MRPL38: variants seen among roughly 807,000 people sequenced by gnomAD.
The protein encoded by MRPL38 is mitochondrial ribosomal protein L38, also known as large ribosomal subunit protein mL38.
Under a neutral mutation model 52.1 loss-of-function variants are expected in MRPL38, and 51 were observed. The observed-to-expected ratio is 0.98, with a 90% CI of 0.78 to 1.24. The LOEUF (loss-of-function observed/expected upper bound fraction) is 1.24. MRPL38 is among the 50% of genes most tolerant of loss of function. MRPL38 has a pLI of 0.00. For missense variants in MRPL38, 527 were observed against 518.6 expected, an observed-to-expected ratio of 1.02 and a Z score of -0.16; for synonymous variants, 245 against 212.7, an observed-to-expected ratio of 1.15 and a Z score of -1.32.
chr17:75,899,615 G>T lies in MRPL38; in HGVS notation c.770C>A (p.Pro257His), dbSNP rs372305971. The change falls in exon 7 of 9, where the codon CCC becomes CAC. Residue 257 changes from proline to histidine, a missense_variant. Physicochemically the swap from Pro to His is moderately conservative, Grantham distance 77. Coordinates refer to ENST00000309352, the MANE Select transcript of MRPL38 (RefSeq NM_032478.4). Reference sequence around the variant, plus strand: ...GATGCCGGAGCCTCGGGCAGGGAAGGGGGGGAGGTAGGGACACGTCACCTG... The same window carrying T: ...GATGCCGGAGCCTCGGGCAGGGAAGTGGGGGAGGTAGGGACACGTCACCTG... ...EGQVTCPYLP[P>H]FPARGSGIHR... 81 of 1,608,374 alleles carry T rather than the reference G, an allele frequency of 5.0e-5. No homozygotes were observed. Among genetic ancestry groups the T allele is most frequent in the East Asian group, 8.9e-5 (4 of 44,730 alleles).
rs781347291 is a variant in MRPL38, at chr17:75,902,093, T to G, written c.309A>C (p.Leu103=). The change falls in exon 3 of 9, where the codon CTA becomes CTC. Residue 103 remains leucine (L), a synonymous_variant. Coordinates refer to ENST00000309352, the MANE Select transcript of MRPL38 (RefSeq NM_032478.4). ...CCTGGATGGCCTGTTTCCGTTCCAG[T>G]AGCTGTTGGGTCCGGGAGACTTTGG... ...PPPKVSRTQQ[L]LERKQAIQEL... The G allele has an allele frequency of 6.2e-7, 1 of 1,606,456 alleles. No individual in the cohort carries two copies. Among genetic ancestry groups the G allele is most frequent in the African/African-American group, 1.3e-5 (1 of 74,776 alleles).
Position 75,901,743 on chromosome 17 carries a change from A to G in MRPL38, c.560T>C (p.Val187Ala), listed in dbSNP as rs142957505. ...YAVGEDDLMP[V>A]YCGNEVTPTE... ...TGGAGTCACCTCATTGCCACAGTAC[A>G]CAGGCATCAGGTCATCCTCACCCAC... Residue 187 changes from valine (V) to alanine (A), a missense_variant, in exon 4 of 9, where the codon GTG (valine) becomes GCG (alanine). By Grantham distance (64) the Val-to-Ala change is moderately conservative (BLOSUM62 0). Transcript: ENST00000309352. The surrounding 1 kb of genome is among the most constrained non-coding windows in gnomAD (Gnocchi z 5.7). The G allele has an allele frequency of 1.2e-5, 20 of 1,613,730 alleles. No homozygotes were observed. The highest frequency in any genetic ancestry group is 1.7e-4 in the Middle Eastern group (1 of 6,060).
intron 1 of MRPL38, 41 bp downstream of exon 1, chr17:75,904,768 C>CCGGGGGGG (rs2065421291): frequency 3.3e-5 from 35 of 1,056,220 alleles, no homozygotes; most frequent in Non-Finnish European, 4.2e-5. Flanking sequence ...GCTCGGGCGA[C>CCGGGGGGG]AGCCCCCCCC....
At chr17:75,902,397 G>C in intron 2 of MRPL38, 1 of 512,090 alleles carries the variant, frequency 2.0e-6, no homozygotes, top group Non-Finnish European at 3.5e-6. Context: ...GAGCCACTGC[G>C]CCCAGCCATG....
Position 75,899,528 on chromosome 17 carries a change from C to A in MRPL38, c.857G>T (p.Arg286Leu), listed in dbSNP as rs759172796. 4 of 1,586,992 alleles carry A rather than the reference C, an allele frequency of 2.5e-6. No individual in the cohort carries two copies. The highest frequency in any genetic ancestry group is 1.7e-5 in the Admixed American group (1 of 58,022). The change falls in exon 7 of 9, where the codon CGC becomes CTC. Residue 286 changes from arginine (R) to leucine (L), a missense_variant. By Grantham distance (102) the Arg-to-Leu change is moderately radical (BLOSUM62 -2). Coordinates refer to ENST00000309352, the MANE Select transcript of MRPL38 (RefSeq NM_032478.4). ...TGGTGTAGATTACCAGGGTGAGGGG[C>A]GTGCGTCCTCAGAGAAGTCAATCGG... Reference protein sequence around the residue: ...DQPIDFSEDARPSPCYQLAQR... With the variant: ...DQPIDFSEDALPSPCYQLAQR...
intron 2 of MRPL38, among the ~76,000 whole-genome samples, chr17:75,904,023 C>T (rs1487708369): frequency 6.6e-6 from 1 of 152,198 alleles, no homozygotes. Context: ...CCACCGCGCC[C>T]GGCCAGGTTG....
rs527513413 is a variant in MRPL38, at chr17:75,898,914, C to T, written c.1079G>A (p.Arg360Gln). ...YHPKQKRFPH[R>Q]QPLRYLDRYR... ...CCGGTCCAGGTAGCGCAGGGGCTGC[C>T]GGTGGGGGAAGCGCTTCTGCTTGGG... Residue 360 changes from arginine (R) to glutamine (Q), a missense_variant, in exon 9 of 9, where the codon CGG becomes CAG. Arg to Gln is a conservative substitution (Grantham distance 43). Coordinates refer to ENST00000309352, the MANE Select transcript of MRPL38 (RefSeq NM_032478.4). The T allele has an allele frequency of 4.3e-5, 70 of 1,611,002 alleles. No homozygotes were observed. The African/African-American group carries it at 4.4e-4, about 10-fold the overall frequency.
In MRPL38 at chr17:75,901,353, C is replaced by A; in HGVS notation, c.592-80G>T. On this transcript the variant is annotated intron_variant, in intron 4 of 8. Transcript: ENST00000309352. The surrounding 1 kb of genome is among the most constrained non-coding windows in gnomAD (Gnocchi z 5.7). Reference sequence around the variant, plus strand: ...AGGGAGCCTTGGAGAAAGGGGTGCCCACTCTGACCCAAAAGCCCTTGACAA... The same window carrying A: ...AGGGAGCCTTGGAGAAAGGGGTGCCAACTCTGACCCAAAAGCCCTTGACAA... 1 of 1,388,598 alleles carries A rather than the reference C, an allele frequency of 7.2e-7. No individual in the cohort carries two copies. Among genetic ancestry groups the A allele is most frequent in the East Asian group, 2.4e-5 (1 of 41,504 alleles). 86.0% of individuals were successfully genotyped at this position (1,388,598 alleles called of 1,614,324 possible).
At chr17:75,899,837 G>A (rs1175935789) in intron 6 of MRPL38, 163 bp from the exon 7 acceptor site, 1 of 496,998 alleles carries the variant, frequency 2.0e-6, no homozygotes, top group Non-Finnish European at 3.2e-6. Context: ...TGAACGCCGG[G>A]ACATGCTGCA....
intron 6 of MRPL38, chr17:75,899,946 A>G (rs1166948009): frequency 3.6e-6 from 1 of 275,690 alleles, no homozygotes; most frequent in African/African-American, 2.2e-5. Context: ...AGGCCCCGGG[A>G]GCCGGTGGGT....
chr17:75,901,502 C>T lies in MRPL38; in HGVS notation c.591+210G>A. 1.5e-6 allele frequency: 1 copy of T among 663,118 alleles called. No individual in the cohort carries two copies. Among genetic ancestry groups the T allele is most frequent in the Non-Finnish European group, 2.6e-6 (1 of 383,790 alleles). 41.1% of individuals were successfully genotyped at this position (663,118 alleles called of 1,614,324 possible). A position where few individuals can be genotyped will look rare whatever the true frequency, so the allele number is the denominator to read the frequency against. On this transcript the variant is annotated intron_variant, in intron 4 of 8. Coordinates refer to ENST00000309352, the MANE Select transcript of MRPL38 (RefSeq NM_032478.4). The surrounding 1 kb of genome is among the most constrained non-coding windows in gnomAD (Gnocchi z 5.7). The stretch of plus-strand genomic sequence containing the variant: ...CCGGGCCAGGAGGGCACACCACAGA[C>T]AGCAGGCTGGTCACAGGAATGTGCT...
chr17:75,901,817 G>C lies in MRPL38; in HGVS notation c.486C>G (p.Phe162Leu), dbSNP rs751054862. The change falls in exon 4 of 9, where the codon TTC becomes TTG. Residue 162 changes from phenylalanine (F) to leucine (L), a missense_variant. By Grantham distance (22) the Phe-to-Leu change is conservative (BLOSUM62 0). Coordinates refer to ENST00000309352, the MANE Select transcript of MRPL38 (RefSeq NM_032478.4). The surrounding 1 kb of genome is among the most constrained non-coding windows in gnomAD (Gnocchi z 5.7). ...CTCGGGGCACAAAGGTGGCACCGTG[G>C]AACAGGTCTCGGTAGAGGCCGTAAT... ...AEYYGLYRDL[F>L]HGATFVPRVP... 1 of 1,613,466 alleles carries C rather than the reference G, an allele frequency of 6.2e-7. No homozygotes were observed. The highest frequency in any genetic ancestry group is 8.5e-7 in the Non-Finnish European group (1 of 1,179,876).
chr17:75,904,371 TG>T, intron 2 of MRPL38, 168 bp downstream of exon 2: 1 of 769,736 alleles, frequency 1.3e-6, no homozygotes, highest in Non-Finnish European at 2.3e-6. Context: ...TGAAAAATCC[TG>T]GGGTGATTAA....
rs751913463 is a variant in MRPL38 at position 75,899,526 on chromosome 17, G to A, written c.859C>T (p.Pro287Ser). The A allele has an allele frequency of 5.2e-5, 83 of 1,589,230 alleles. No individual in the cohort carries two copies. Among genetic ancestry groups the A allele is most frequent in the Non-Finnish European group, 6.8e-5 (79 of 1,163,948 alleles). The change falls in exon 7 of 9, where the codon CCC becomes TCC. Residue 287 changes from proline to serine, a missense_variant. Coordinates refer to ENST00000309352, the MANE Select transcript of MRPL38 (RefSeq NM_032478.4). ...GGTGGTGTAGATTACCAGGGTGAGG[G>A]GCGTGCGTCCTCAGAGAAGTCAATC... Reference protein sequence around the residue: ...QPIDFSEDARPSPCYQLAQRT... With the variant: ...QPIDFSEDARSSPCYQLAQRT...
chr17:75,902,668 T>A (rs1386252618), intron 2 of MRPL38, among the ~76,000 whole-genome samples: 2 of 152,204 alleles, frequency 1.3e-5, no homozygotes, highest in African/African-American at 4.8e-5. Flanking sequence ...TACTGTGCAG[T>A]CTACTTCCCA....
chr17:75,902,781 G>A (rs2065410826), intron 2 of MRPL38, among the ~76,000 whole-genome samples: 2 of 152,166 alleles, frequency 1.3e-5, no homozygotes, highest in South Asian at 4.1e-4. Context: ...GAGTGCAGTG[G>A]CGCGATCTCG....
chr17:75,901,091 G>C lies in MRPL38; in HGVS notation c.665-64C>G. ...CCACGGCCCTGCCACCCCCTCCCTT[G>C]TTAGGAGCCAGCGCTGGAGATCTCC... On this transcript the variant is annotated intron_variant, in intron 5 of 8. Transcript: ENST00000309352. The surrounding 1 kb of genome is among the most constrained non-coding windows in gnomAD (Gnocchi z 5.7). 6.3e-7 allele frequency: 1 copy of C among 1,595,524 alleles called. No individual in the cohort carries two copies.
In MRPL38 at chr17:75,901,692, G is replaced by C; in HGVS notation, c.591+20C>G. On this transcript the variant is annotated intron_variant, in intron 4 of 8. Coordinates refer to ENST00000309352, the MANE Select transcript of MRPL38 (RefSeq NM_032478.4). The surrounding 1 kb of genome is among the most constrained non-coding windows in gnomAD (Gnocchi z 5.7). ...TGTGTTTGCACAGGGCAGGGAGGAG[G>C]GGCACAAGTGAGTGGTTACCTCGGT... 5 of 1,606,916 alleles carry C rather than the reference G, an allele frequency of 3.1e-6. No homozygotes were observed. Among genetic ancestry groups the C allele is most frequent in the Non-Finnish European group, 4.3e-6 (5 of 1,173,620 alleles).
At chr17:75,900,731 AAAAAAAAG>A in intron 6 of MRPL38, 2 of 1,323,102 alleles carry the variant, frequency 1.5e-6, no homozygotes, top group Non-Finnish European at 1.9e-6. Context: ...AAAAAAAAAA[AAAAAAAAG>A]AAAAGAAAAG....
Sources: allele counts gnomAD v4.1 joint callset (sites outside exome capture counted in the v4.1 genomes callset), GRCh38; gene constraint gnomAD v4.1.1; non-coding constraint Gnocchi (gnomAD v3.1); transcripts MANE v1.5; gene names NCBI Gene and HGNC (gene_info 2026-07-23, HGNC 2026-07-21).